Variants in SOX6 observed in about 807,000 individuals in gnomAD.
The protein encoded by SOX6 is transcription factor SOX-6.
Under a neutral mutation model 97.8 loss-of-function variants are expected in SOX6, and 11 were observed. That is an observed-to-expected ratio of 0.11 (90% CI 0.07 to 0.19). The LOEUF is 0.19. Ranked by LOEUF, SOX6 falls within the 10% of genes least tolerant of loss-of-function variation. SOX6 has a pLI of 1.00. For missense variants in SOX6, 810 were observed against 1,039.5 expected (o/e 0.78, Z 3.04); for synonymous variants, 360 against 371.4 (o/e 0.97, Z 0.35).
In SOX6 at chr11:16,571,565, A is replaced by C. The variant is rs188911802; in HGVS notation, n.609+40516T>G. On this transcript the variant is annotated intron_variant and non_coding_transcript_variant, in intron 4 of 5. Coordinates refer to the SOX6 transcript ENST00000524520. ...CCCACCTCAGTCTCCTTAGCAGTTGAAACTACAAGCATGCAACACTGTACC... is the reference window on the plus strand; with the variant it reads ...CCCACCTCAGTCTCCTTAGCAGTTGCAACTACAAGCATGCAACACTGTACC... Among the ~76,000 whole-genome samples the C allele has an allele frequency of 4.1e-3, 620 of 152,214 alleles. 6 individuals are homozygous for C. The highest frequency in any genetic ancestry group is 0.01 in the Middle Eastern group (3 of 294).
intron 9 of SOX6, among the ~76,000 whole-genome samples, chr11:16,061,513 T>A (rs1030654357): frequency 6.6e-6 from 1 of 151,676 alleles, no homozygotes; most frequent in African/African-American, 2.4e-5. Flanking sequence ...AAAATACCAA[T>A]GTCATTTTTA....
At chr11:16,508,992 A>G (rs1860834883) in intron 4 of SOX6, among the ~76,000 whole-genome samples, 1 of 152,154 alleles carries the variant, frequency 6.6e-6, no homozygotes, top group Non-Finnish European at 1.5e-5. Flanking sequence ...AATTAAATAA[A>G]AAGAAAAAAT....
At chr11:16,512,350 C>T (rs1382295996) in intron 4 of SOX6, among the ~76,000 whole-genome samples, 4 of 152,154 alleles carry the variant, frequency 2.6e-5, no homozygotes, top group African/African-American at 9.7e-5. Flanking sequence ...TTACATCACA[C>T]CACATTCATC....
chr11:16,469,532 G>A (rs2034128584), intron 1 of SOX6, among the ~76,000 whole-genome samples: 1 of 152,102 alleles, frequency 6.6e-6, no homozygotes, highest in Non-Finnish European at 1.5e-5. Context: ...CATGAAGACT[G>A]AAAGATAAAA....
intron 9 of SOX6, among the ~76,000 whole-genome samples, chr11:16,086,890 T>G (rs147523468): frequency 0.016 from 2,398 of 152,292 alleles, 88 homozygotes; most frequent in Non-Finnish European, 0.014. Flanking sequence ...ACTTTGAAAT[T>G]TTTCTCTTTT....
chr11:16,353,951 C>T (rs908032041), intron 1 of SOX6, among the ~76,000 whole-genome samples: 49 of 152,112 alleles, frequency 3.2e-4, no homozygotes, highest in African/African-American at 1.2e-3. Flanking sequence ...TTTATCATGC[C>T]TAATCTACCA....
At chr11:16,019,747 C>A (rs1395035056) in intron 12 of SOX6, among the ~76,000 whole-genome samples, 1 of 152,082 alleles carries the variant, frequency 6.6e-6, no homozygotes, top group Non-Finnish European at 1.5e-5. Flanking sequence ...ACTTAAAAAT[C>A]TTTCAAATGT....
At chr11:16,090,122 T>C (rs930899277) in intron 9 of SOX6, among the ~76,000 whole-genome samples, 1 of 152,150 alleles carries the variant, frequency 6.6e-6, no homozygotes, top group East Asian at 1.9e-4. Flanking sequence ...AAGAAATCTA[T>C]GTAAATGTAA....
intron 6 of SOX6, among the ~76,000 whole-genome samples, chr11:16,125,413 T>C (rs1849585518): frequency 6.6e-6 from 1 of 152,066 alleles, no homozygotes; most frequent in Non-Finnish European, 1.5e-5. Context: ...AAAAATAAAC[T>C]GTTCATAAAG....
chr11:15,980,430 A>G (rs1802141206), intron 15 of SOX6, among the ~76,000 whole-genome samples: 1 of 152,002 alleles, frequency 6.6e-6, no homozygotes, highest in Non-Finnish European at 1.5e-5. Context: ...GTGGATGCAA[A>G]ATCAGAAGCT....
At chr11:16,267,670 T>C (rs1239443142) in intron 3 of SOX6, among the ~76,000 whole-genome samples, 3 of 151,570 alleles carry the variant, frequency 2.0e-5, no homozygotes, top group African/African-American at 7.3e-5. Flanking sequence ...AATTAACATA[T>C]AATCCAGCAA....
At chr11:16,131,325 T>C (rs1849734767) in intron 6 of SOX6, among the ~76,000 whole-genome samples, 1 of 151,836 alleles carries the variant, frequency 6.6e-6, no homozygotes, top group Non-Finnish European at 1.5e-5. Flanking sequence ...AGAAAATATA[T>C]GAGTGGCCAA....
chr11:16,066,707 C>G (rs985576985), intron 9 of SOX6, among the ~76,000 whole-genome samples: 1 of 151,996 alleles, frequency 6.6e-6, no homozygotes, highest in Non-Finnish European at 1.5e-5. Context: ...AACAATTGAG[C>G]TCATGGAGAT....
chr11:16,647,660 T>A (rs577877216), intron 3 of SOX6, among the ~76,000 whole-genome samples: 6 of 152,270 alleles, frequency 3.9e-5, no homozygotes, highest in Non-Finnish European at 7.3e-5. Context: ...GTAAGTTCCA[T>A]GAAACAGGTG....
rs369202696 is a variant in SOX6 at position 16,016,983 on chromosome 11, TAC to T, written c.1624-1935_1624-1934del. Among the ~76,000 whole-genome samples, 421 of 152,086 alleles carry T rather than the reference TAC, an allele frequency of 2.8e-3. 1 individual carries two copies. Among genetic ancestry groups the T allele is most frequent in the African/African-American group, 9.6e-3 (398 of 41,520 alleles). On this transcript the variant is annotated intron_variant, in intron 12 of 15. Coordinates refer to ENST00000683767, the MANE Select transcript of SOX6 (RefSeq NM_001367873.1). Reference sequence around the variant, plus strand: ...TCTAGTCACTCATTCTCTTTGATTTTACTGGAAAATATTCTCAGTAAAATAAA... The same window carrying T: ...TCTAGTCACTCATTCTCTTTGATTTTTGGAAAATATTCTCAGTAAAATAAA...
At chr11:16,616,902 A>G (rs189231180) in intron 3 of SOX6, among the ~76,000 whole-genome samples, 2 of 152,076 alleles carry the variant, frequency 1.3e-5, no homozygotes, top group African/African-American at 2.4e-5. Context: ...TCCAAACAAC[A>G]TCTTTTAATT....
At chr11:16,359,702 G>A (rs569513533), upstream of SOX6, among the ~76,000 whole-genome samples, 5 of 152,122 alleles carry the variant, frequency 3.3e-5, no homozygotes, top group Non-Finnish European at 7.4e-5. Context: ...GAAGGTAGAT[G>A]AAGCGAGTAG....
At chr11:16,387,691 A>G (rs1858032469) in intron 1 of SOX6, among the ~76,000 whole-genome samples, 2 of 152,116 alleles carry the variant, frequency 1.3e-5, no homozygotes, top group Admixed American at 6.5e-5. Context: ...CACTCTTCTA[A>G]GAATTAATGC....
chr11:16,136,052 C>T (rs1322046259), intron 6 of SOX6, among the ~76,000 whole-genome samples: 2 of 152,086 alleles, frequency 1.3e-5, no homozygotes, highest in South Asian at 4.2e-4. Flanking sequence ...TAGAGACTTG[C>T]TGTGTCGCAA....
Sources: gnomAD v4.1 joint callset for allele counts (sites outside exome capture counted in the v4.1 genomes callset) on GRCh38, gnomAD v4.1.1 for gene constraint, MANE v1.5 for transcripts, NCBI Gene and HGNC (gene_info 2026-07-23, HGNC 2026-07-21) for gene names.